The following MAD1L1 variants were observed in gnomAD, a reference collection of about 807,000 sequenced individuals.
MAD1L1 encodes mitotic spindle assembly checkpoint protein MAD1.
In MAD1L1, 95 loss-of-function variants were observed where a neutral mutation model predicts 96.9. The observed-to-expected ratio is 0.98, with a 90% confidence interval of 0.83 to 1.16. The LOEUF is 1.16. Ranked by LOEUF, MAD1L1 falls within the 50% of genes most tolerant of loss-of-function variation. The pLI, the probability that MAD1L1 is intolerant of heterozygous loss-of-function variation, is 0.00. For synonymous variants in MAD1L1, 473 were observed against 396.6 expected (o/e 1.19, Z -2.29); for missense variants, 1,007 against 954.4 (o/e 1.06, Z -0.73).
intron 12 of MAD1L1, among the ~76,000 whole-genome samples, chr7:2,044,942 T>G (rs1783855228): frequency 6.6e-6 from 1 of 152,126 alleles, no homozygotes; most frequent in Non-Finnish European, 1.5e-5. Flanking sequence ...CCCACTCTGA[T>G]GAGCAGCAGC....
At chr7:2,009,254 C>G (rs1782181321) in intron 13 of MAD1L1, among the ~76,000 whole-genome samples, 2 of 152,232 alleles carry the variant, frequency 1.3e-5, no homozygotes, top group South Asian at 4.1e-4. Context: ...TGATCCAACA[C>G]TCCTGCCAGC....
intron 17 of MAD1L1, among the ~76,000 whole-genome samples, chr7:1,913,053 C>A (rs1033554841): frequency 3.9e-5 from 6 of 152,212 alleles, no homozygotes; most frequent in Admixed American, 3.3e-4. Context: ...TTGACTGGGT[C>A]ATTTTCGAGT....
intron 10 of MAD1L1, among the ~76,000 whole-genome samples, chr7:2,175,766 C>T (rs1790921328): frequency 6.6e-6 from 1 of 152,128 alleles, no homozygotes; most frequent in African/African-American, 2.4e-5. Context: ...CTCCTGAAGC[C>T]CTGGTCCCTT....
intron 18 of MAD1L1, among the ~76,000 whole-genome samples, chr7:1,888,316 G>A (rs1450246553): frequency 1.4e-5 from 2 of 139,820 alleles, no homozygotes; most frequent in Non-Finnish European, 3.2e-5. Flanking sequence ...GACTGCCTAT[G>A]TGTGTGTGTG....
intron 13 of MAD1L1, among the ~76,000 whole-genome samples, chr7:2,002,346 G>A (rs1298466340): frequency 6.6e-6 from 1 of 152,218 alleles, no homozygotes; most frequent in African/African-American, 2.4e-5. Context: ...CGAAGACCGA[G>A]TGGGCTGCGG....
chr7:2,159,081 G>A (rs755834555), intron 10 of MAD1L1, among the ~76,000 whole-genome samples: 5 of 152,212 alleles, frequency 3.3e-5, no homozygotes, highest in Non-Finnish European at 7.3e-5. Context: ...TTACCCCATG[G>A]AAAGGGACCC....
chr7:1,878,268 T>C (rs1165485325), intron 18 of MAD1L1, among the ~76,000 whole-genome samples: 1 of 151,972 alleles, frequency 6.6e-6, no homozygotes, highest in Non-Finnish European at 1.5e-5. Context: ...CTCACACAAA[T>C]TCTTCCAGAA....
intron 12 of MAD1L1, among the ~76,000 whole-genome samples, chr7:2,019,344 G>A (rs578248070): frequency 1.1e-4 from 16 of 152,302 alleles, no homozygotes; most frequent in Admixed American, 2.0e-4. Flanking sequence ...TCTGGCATCC[G>A]TGGGGCCCAT....
intron 18 of MAD1L1, among the ~76,000 whole-genome samples, chr7:1,885,461 G>C (rs115997372): frequency 1.4e-5 from 2 of 147,942 alleles, no homozygotes; most frequent in African/African-American, 5.1e-5. Context: ...AGACAGGAGA[G>C]AAGTCCAGGG....
At chr7:2,132,050 G>A (rs955177561) in intron 11 of MAD1L1, among the ~76,000 whole-genome samples, 1 of 152,208 alleles carries the variant, frequency 6.6e-6, no homozygotes, top group Non-Finnish European at 1.5e-5. Context: ...CAGTCAGTGA[G>A]GCTGACTCAG....
At chr7:2,194,695 T>C (rs139231422) in intron 10 of MAD1L1, among the ~76,000 whole-genome samples, 1 of 152,276 alleles carries the variant, frequency 6.6e-6, no homozygotes, top group Non-Finnish European at 1.5e-5. Context: ...CAACCTATCA[T>C]AGGTACCCAC....
At chr7:2,140,828 G>C (rs1305315582) in intron 11 of MAD1L1, among the ~76,000 whole-genome samples, 1 of 152,252 alleles carries the variant, frequency 6.6e-6, no homozygotes. Context: ...CACTCAGAAA[G>C]TGATTGCATT....
intron 14 of MAD1L1, among the ~76,000 whole-genome samples, chr7:1,982,476 T>G (rs1027403286): frequency 1.3e-5 from 2 of 152,270 alleles, no homozygotes; most frequent in Non-Finnish European, 2.9e-5. Flanking sequence ...CCCAGAGTGC[T>G]GGGATTACAG....
rs571443305 is a variant in MAD1L1 at position 1,893,622 on chromosome 7, G to A, written c.1998+4578C>T. ...TCCGTGGCCCTATCTCAGGAGGGTAGCTCAGGGAAGACCCTCCTGGGCACA... is the reference window on the plus strand; with the variant it reads ...TCCGTGGCCCTATCTCAGGAGGGTAACTCAGGGAAGACCCTCCTGGGCACA... On this transcript the variant is annotated intron_variant, in intron 18 of 18. Coordinates refer to ENST00000265854, the MANE Select transcript of MAD1L1 (RefSeq NM_001013836.2). Among the ~76,000 whole-genome samples, 22 of 152,246 alleles carry A rather than the reference G, an allele frequency of 1.4e-4. No individual in the cohort carries two copies. In the South Asian group the frequency reaches 4.4e-3, roughly 30 times the overall value.
chr7:2,009,653 A>T (rs1354949884), intron 13 of MAD1L1, among the ~76,000 whole-genome samples: 8 of 152,178 alleles, frequency 5.3e-5, no homozygotes, highest in Admixed American at 2.0e-4. Flanking sequence ...GCCACAGAGC[A>T]CACAACAGGC....
intron 17 of MAD1L1, among the ~76,000 whole-genome samples, chr7:1,922,620 C>A (rs542654170): frequency 6.6e-6 from 1 of 152,214 alleles, no homozygotes; most frequent in East Asian, 1.9e-4. Context: ...CTTTCCAGTC[C>A]GTGTGCCTTC....
At position 2,182,989 on chromosome 7, in the gene MAD1L1, A is replaced by AGT. The variant is rs990860868; in HGVS notation, c.986+30221_986+30222dup. Among the ~76,000 whole-genome samples the AGT allele has an allele frequency of 1.3e-4, 20 of 152,130 alleles. No homozygotes were observed. In the East Asian group the frequency reaches 3.5e-3, roughly 26 times the overall value. On this transcript the variant is annotated intron_variant, in intron 10 of 18. Transcript: ENST00000265854. Reference sequence around the variant, plus strand: ...TATAATCCCAGCCCTCTGAGAGGCCAGTGTGGGAGAACCACTTGAGGTCAC... The same window carrying AGT: ...TATAATCCCAGCCCTCTGAGAGGCCAGTGTGTGGGAGAACCACTTGAGGTCAC...
chr7:1,996,448 C>T (rs1185034780), intron 14 of MAD1L1, among the ~76,000 whole-genome samples: 1 of 152,232 alleles, frequency 6.6e-6, no homozygotes, highest in Non-Finnish European at 1.5e-5. Flanking sequence ...GCCACACGGA[C>T]CACAGGCTCC....
At chr7:1,982,198 TATAAAA>T (rs1239919400) in intron 14 of MAD1L1, among the ~76,000 whole-genome samples, 2 of 151,380 alleles carry the variant, frequency 1.3e-5, no homozygotes, top group African/African-American at 4.8e-5. Context: ...ATATATAAAA[TATAAAA>T]ATATATACAT....
Sources: gnomAD v4.1 joint callset for allele counts (sites outside exome capture counted in the v4.1 genomes callset) on GRCh38, gnomAD v4.1.1 for gene constraint, MANE v1.5 for transcripts, NCBI Gene and HGNC (gene_info 2026-07-23, HGNC 2026-07-21) for gene names.